The following NUP205 variants were observed in gnomAD, a reference collection of about 807,000 sequenced individuals.
The protein encoded by NUP205 is nucleoporin 205.
Under a neutral mutation model 253.8 loss-of-function variants are expected in NUP205, and 76 were observed. The observed-to-expected ratio is 0.30, with a 90% CI of 0.25 to 0.36. The LOEUF (loss-of-function observed/expected upper bound fraction) is 0.36. Ranked by LOEUF, NUP205 falls within the 10% of genes least tolerant of loss-of-function variation. The pLI, the probability that NUP205 is intolerant of heterozygous loss-of-function variation, is 1.00. For synonymous variants in NUP205, 832 were observed against 850.1 expected (o/e 0.98, Z 0.37); for missense variants, 2,162 against 2,425.5 (o/e 0.89, Z 2.28).
intron 32 of NUP205, among the ~76,000 whole-genome samples, chr7:135,625,933 C>CA (rs1794579734): frequency 6.6e-6 from 1 of 152,072 alleles, no homozygotes; most frequent in Admixed American, 6.6e-5. Context: ...GTACTAGAGA[C>CA]ACAGCTGTTA....
At chr7:135,636,312 T>A (rs540870918) in intron 36 of NUP205, among the ~76,000 whole-genome samples, 1 of 152,352 alleles carries the variant, frequency 6.6e-6, no homozygotes, top group Admixed American at 6.5e-5. Flanking sequence ...AGTCCTTTTT[T>A]CATGCGCTGT....
intron 10 of NUP205, among the ~76,000 whole-genome samples, chr7:135,590,658 G>A (rs924736946): frequency 5.3e-5 from 8 of 150,504 alleles, no homozygotes; most frequent in African/African-American, 1.5e-4. Flanking sequence ...TCAGCCTTTC[G>A]AGTAGTTGGG....
intron 34 of NUP205, 88 bp from the exon 35 acceptor site, chr7:135,630,256 A>T: frequency 9.8e-7 from 1 of 1,016,628 alleles, no homozygotes; most frequent in African/African-American, 1.7e-5. Flanking sequence ...ACTTCCTTCA[A>T]CATTATTTAT....
At chr7:135,570,052 T>TATATATAGAGAGAGAG (rs1284263475) in intron 1 of NUP205, among the ~76,000 whole-genome samples, 5 of 79,186 alleles carry the variant, frequency 6.3e-5, no homozygotes, top group African/African-American at 2.6e-4. Context: ...TATATATATA[T>TATATATAGAGAGAGAG]AGAGAGAGAG....
At chr7:135,583,846 T>TTCTTTC (rs1464263089) in intron 7 of NUP205, among the ~76,000 whole-genome samples, 2 of 129,350 alleles carry the variant, frequency 1.5e-5, no homozygotes, top group African/African-American at 6.0e-5. Context: ...CTTTCTTTCT[T>TTCTTTC]TTTTTTTTTT....
chr7:135,610,806 T>C (rs1009496130), intron 22 of NUP205, among the ~76,000 whole-genome samples: 1 of 152,200 alleles, frequency 6.6e-6, no homozygotes, highest in Non-Finnish European at 1.5e-5. Flanking sequence ...TGGTCCTTAC[T>C]GATACCTTCC....
At position 135,622,802 on chromosome 7, in the gene NUP205, G is replaced by T. The variant is rs1794502891; in HGVS notation, c.4356G>T (p.Leu1452=). Residue 1452 remains leucine (L), a synonymous_variant, in exon 31 of 43, where the codon CTG becomes CTT. Coordinates refer to ENST00000285968, the MANE Select transcript of NUP205 (RefSeq NM_015135.3). ...EAAKKTMWER[L]TAPEDVFSKL... is the part of the protein sequence containing the mutation. ...CCAAGAAAACCATGTGGGAAAGGCT[G>T]ACAGCCCCTGAAGATGTATTTAGCA... The T allele has an allele frequency of 1.2e-6, 2 of 1,613,838 alleles. No individual in the cohort carries two copies. The highest frequency in any genetic ancestry group is 8.5e-7 in the Non-Finnish European group (1 of 1,179,970).
At chr7:135,586,024 G>A (rs917445694) in intron 8 of NUP205, among the ~76,000 whole-genome samples, 1 of 152,218 alleles carries the variant, frequency 6.6e-6, no homozygotes, top group Admixed American at 6.5e-5. Context: ...TATGCTCTGT[G>A]TGCTGTTTTG....
chr7:135,594,434 T>C lies in NUP205; in HGVS notation c.1831-113T>C, dbSNP rs1793771691. On this transcript the variant is annotated intron_variant, in intron 12 of 42. Transcript: ENST00000285968. ...AATGATAGGCTTATTTTTGTTTTAG[T>C]ATATATTAAGCCCATGAGGACTCAG... 12 of 650,672 alleles carry C rather than the reference T, an allele frequency of 1.8e-5. No homozygotes were observed. The South Asian group carries it at 3.4e-4, about 18-fold the overall frequency. The allele number at this position is 650,672 out of a possible 1,614,324, so 40.3% of individuals were successfully genotyped here. A position where few individuals can be genotyped will look rare whatever the true frequency, so the allele number is the denominator to read the frequency against.
chr7:135,573,880 C>T (rs1806072500), intron 3 of NUP205, 55 bp downstream of exon 3: 12 of 1,358,986 alleles, frequency 8.8e-6, no homozygotes, highest in Non-Finnish European at 1.2e-5. Flanking sequence ...TATAAAATCA[C>T]TCATAGTTTA....
intron 1 of NUP205, among the ~76,000 whole-genome samples, chr7:135,567,173 T>C (rs113336451): frequency 2.7e-5 from 3 of 111,598 alleles, no homozygotes; most frequent in South Asian, 2.6e-4. Flanking sequence ...TATATATATA[T>C]ATATATATGT....
intron 22 of NUP205, among the ~76,000 whole-genome samples, chr7:135,609,791 A>T (rs1245359862): frequency 6.6e-6 from 1 of 152,190 alleles, no homozygotes; most frequent in Non-Finnish European, 1.5e-5. Context: ...CACTGTAAGT[A>T]CTATAGCTAG....
intron 38 of NUP205, among the ~76,000 whole-genome samples, chr7:135,640,155 C>T (rs1794891394): frequency 6.6e-6 from 1 of 152,146 alleles, no homozygotes; most frequent in African/African-American, 2.4e-5. Context: ...CAGCAAACCA[C>T]CATGGCACAT....
At chr7:135,648,183 A>G (rs564505177) in intron 42 of NUP205, among the ~76,000 whole-genome samples, 1 of 152,362 alleles carries the variant, frequency 6.6e-6, no homozygotes, top group African/African-American at 2.4e-5. Context: ...AATTTATACA[A>G]GAAAAGAAAG....
intron 3 of NUP205, among the ~76,000 whole-genome samples, chr7:135,574,882 T>C (rs1416400269): frequency 6.6e-6 from 1 of 152,224 alleles, no homozygotes; most frequent in Non-Finnish European, 1.5e-5. Flanking sequence ...AAAAGTTTAA[T>C]ATGTCTAAAG....
At chr7:135,616,804 G>T in intron 25 of NUP205, 78 bp downstream of exon 25, 1 of 834,456 alleles carries the variant, frequency 1.2e-6, no homozygotes, top group Non-Finnish European at 1.7e-6. Flanking sequence ...GGATTATTAT[G>T]CCTGTGCCTC....
At chr7:135,599,868 A>T (rs1010507941) in intron 15 of NUP205, among the ~76,000 whole-genome samples, 10 of 152,208 alleles carry the variant, frequency 6.6e-5, no homozygotes, top group African/African-American at 2.2e-4. Flanking sequence ...AGTGCTTTGG[A>T]TTGAGATAAA....
chr7:135,635,071 A>G (rs1203450075), intron 35 of NUP205, among the ~76,000 whole-genome samples: 1 of 152,174 alleles, frequency 6.6e-6, no homozygotes, highest in Admixed American at 6.5e-5. Context: ...AGGAGAGGCT[A>G]TGGCACTATT....
At chr7:135,577,736 G>C in intron 5 of NUP205, 60 bp from the exon 6 acceptor site, 2 of 1,275,406 alleles carry the variant, frequency 1.6e-6, no homozygotes, top group South Asian at 1.3e-5. Flanking sequence ...TTTGTACTTT[G>C]GAATAAGACC....
Sources: allele counts gnomAD v4.1 joint callset (sites outside exome capture counted in the v4.1 genomes callset), GRCh38; gene constraint gnomAD v4.1.1; transcripts MANE v1.5; gene names NCBI Gene and HGNC (gene_info 2026-07-23, HGNC 2026-07-21).